The following COG5 variants were observed in gnomAD, a reference collection of about 807,000 sequenced individuals.
COG5 encodes conserved oligomeric Golgi complex subunit 5.
COG5 carries 86 observed loss-of-function variants against 110.4 expected under a neutral mutation model. The ratio of observed to expected loss-of-function variants is 0.78; its 90% CI spans 0.65 to 0.93. The LOEUF is 0.93. Ranked by LOEUF, COG5 falls within the 40% of genes least tolerant of loss-of-function variation. COG5 has a pLI of 0.00. For synonymous variants in COG5, 360 were observed against 334.6 expected, an observed-to-expected ratio of 1.08 and a Z score of -0.83; for missense variants, 1,077 against 987.0, an observed-to-expected ratio of 1.09 and a Z score of -1.22.
chr7:107,435,028 T>C (rs1267817098), intron 6 of COG5, among the ~76,000 whole-genome samples: 1 of 151,278 alleles, frequency 6.6e-6, no homozygotes, highest in East Asian at 1.9e-4. Flanking sequence ...TATGAGGACA[T>C]TATGCAAAAT....
chr7:107,409,868 C>T (rs776050150), intron 7 of COG5, among the ~76,000 whole-genome samples: 15 of 152,114 alleles, frequency 9.9e-5, no homozygotes, highest in Non-Finnish European at 2.1e-4. Flanking sequence ...AGAGAAGAGA[C>T]TGGAGGTTTA....
chr7:107,302,141 T>C (rs1807316610), intron 11 of COG5, among the ~76,000 whole-genome samples: 2 of 152,138 alleles, frequency 1.3e-5, no homozygotes, highest in Non-Finnish European at 2.9e-5. Flanking sequence ...CCAATGTCCA[T>C]CAACAGGCCA....
chr7:107,340,201 G>A (rs921228086), intron 10 of COG5, among the ~76,000 whole-genome samples: 1 of 151,888 alleles, frequency 6.6e-6, no homozygotes, highest in Non-Finnish European at 1.5e-5. Flanking sequence ...CATTACAACC[G>A]ATCCCACAGA....
At chr7:107,553,605 G>GTAACAT (rs1803084151) in intron 3 of COG5, among the ~76,000 whole-genome samples, 1 of 152,020 alleles carries the variant, frequency 6.6e-6, no homozygotes, top group Non-Finnish European at 1.5e-5. Flanking sequence ...AAACACAATA[G>GTAACAT]TAACATTTCA....
At chr7:107,286,351 C>A (rs890167899) in intron 12 of COG5, among the ~76,000 whole-genome samples, 1 of 152,154 alleles carries the variant, frequency 6.6e-6, no homozygotes, top group African/African-American at 2.4e-5. Flanking sequence ...TACATGACCC[C>A]TTCTTGCTTC....
chr7:107,214,897 G>A (rs1203938514), intron 19 of COG5, among the ~76,000 whole-genome samples: 1 of 151,128 alleles, frequency 6.6e-6, no homozygotes, highest in Non-Finnish European at 1.5e-5. Flanking sequence ...CCCCAGCCTG[G>A]GTGATAGAGC....
In COG5 at chr7:107,474,703, G is replaced by C; in HGVS notation, c.538+52534C>G. ...ACTGGGAATGTATTATCACCTGTTA[G>C]TACAGATCCCAATATTCTTTTTCAC... On this transcript the variant is annotated intron_variant, in intron 6 of 21. Transcript: ENST00000297135. The surrounding 1 kb of genome is among the most constrained non-coding windows in gnomAD (Gnocchi z 5.7). 6.2e-7 allele frequency: 1 copy of C among 1,610,870 alleles called. No homozygotes were observed. The highest frequency in any genetic ancestry group is 8.5e-7 in the Non-Finnish European group (1 of 1,177,838).
chr7:107,476,183 T>TAAAAAAAAA (rs1563056700), intron 6 of COG5, among the ~76,000 whole-genome samples: 284 of 86,152 alleles, frequency 3.3e-3, no homozygotes, highest in Non-Finnish European at 4.7e-3. Context: ...TGCAATGATT[T>TAAAAAAAAA]TAAAAAAAAA....
intron 6 of COG5, among the ~76,000 whole-genome samples, chr7:107,427,959 G>A (rs1450888923): frequency 6.6e-6 from 1 of 152,070 alleles, no homozygotes; most frequent in Non-Finnish European, 1.5e-5. Context: ...GGCTGGGTCC[G>A]AAGCTTTTAT....
chr7:107,493,710 G>A (rs932853879), intron 6 of COG5, among the ~76,000 whole-genome samples: 3 of 152,046 alleles, frequency 2.0e-5, no homozygotes, highest in South Asian at 2.1e-4. Context: ...AAACAAGACC[G>A]AACTTAAACC....
intron 7 of COG5, among the ~76,000 whole-genome samples, chr7:107,380,640 A>G (rs1435239943): frequency 1.3e-5 from 2 of 152,212 alleles, no homozygotes. Flanking sequence ...GAATAGACCA[A>G]TAACAAGTTC....
chr7:107,287,906 C>A (rs1805778585), intron 12 of COG5, among the ~76,000 whole-genome samples: 5 of 152,064 alleles, frequency 3.3e-5, no homozygotes, highest in Admixed American at 3.3e-4. Context: ...ATTTTGTTTA[C>A]CCATTTGTCT....
At chr7:107,248,553 C>G in intron 16 of COG5, 54 bp from the exon 17 acceptor site, 1 of 1,247,912 alleles carries the variant, frequency 8.0e-7, no homozygotes, top group Non-Finnish European at 1.1e-6. Context: ...AGAAAAACAA[C>G]CCAAAGAAAT....
intron 10 of COG5, among the ~76,000 whole-genome samples, chr7:107,354,927 C>G (rs565771212): frequency 4.7e-4 from 71 of 152,180 alleles, no homozygotes; most frequent in Non-Finnish European, 1.2e-4. Context: ...CTGCCCTTGA[C>G]ACTACTTGAA....
intron 7 of COG5, among the ~76,000 whole-genome samples, chr7:107,380,723 G>A (rs150476877): frequency 0.01 from 1,585 of 152,220 alleles, 12 homozygotes; most frequent in African/African-American, 0.036. Context: ...CGAATTCTAC[G>A]AGAGGTTCAA....
chr7:107,240,843 T>C (rs1331690523), intron 17 of COG5, among the ~76,000 whole-genome samples: 1 of 152,224 alleles, frequency 6.6e-6, no homozygotes, highest in Admixed American at 6.5e-5. Flanking sequence ...AAAGCAGCAG[T>C]GCTCCATATG....
At chr7:107,553,161 G>A (rs1803052576) in intron 3 of COG5, among the ~76,000 whole-genome samples, 1 of 152,110 alleles carries the variant, frequency 6.6e-6, no homozygotes, top group Non-Finnish European at 1.5e-5. Flanking sequence ...TGGGTGACAG[G>A]ATCATTTGTA....
chr7:107,469,333 T>G (rs979592530), intron 6 of COG5, among the ~76,000 whole-genome samples: 2 of 152,128 alleles, frequency 1.3e-5, no homozygotes, highest in Non-Finnish European at 2.9e-5. Flanking sequence ...AAAAGGGTTA[T>G]GAAAGGTGAA....
chr7:107,514,243 C>G (rs534124264), intron 6 of COG5, among the ~76,000 whole-genome samples: 1 of 150,714 alleles, frequency 6.6e-6, no homozygotes, highest in Non-Finnish European at 1.5e-5. Flanking sequence ...TGCAATAAAG[C>G]TTTAAAATAG....
Sources: gnomAD v4.1 joint callset for allele counts (sites outside exome capture counted in the v4.1 genomes callset) on GRCh38, gnomAD v4.1.1 for gene constraint, Gnocchi (gnomAD v3.1) non-coding constraint, MANE v1.5 for transcripts, NCBI Gene and HGNC (gene_info 2026-07-23, HGNC 2026-07-21) for gene names.